Variants in NCAPG2 observed in about 807,000 individuals in gnomAD.
NCAPG2 encodes condensin-2 complex subunit G2.
In NCAPG2, 53 loss-of-function variants were observed where a neutral mutation model predicts 141.1. The observed-to-expected ratio is 0.38, with a 90% confidence interval of 0.30 to 0.47. NCAPG2 has a LOEUF of 0.47. NCAPG2 is among the 20% of genes least tolerant of loss of function. The pLI, the probability that NCAPG2 is intolerant of heterozygous loss-of-function variation, is 0.99. For synonymous variants in NCAPG2, 499 were observed against 490.7 expected (o/e 1.02, Z -0.22); for missense variants, 1,087 against 1,389.0 (o/e 0.78, Z 3.46).
At chr7:158,650,146 C>T (rs1227405584) in intron 24 of NCAPG2, among the ~76,000 whole-genome samples, 22 of 152,178 alleles carry the variant, frequency 1.4e-4, no homozygotes, top group Admixed American at 1.4e-3. Flanking sequence ...CTCCGCCTCC[C>T]GGGTTCAAGA....
intron 12 of NCAPG2, among the ~76,000 whole-genome samples, chr7:158,674,115 A>C (rs879264029): frequency 1.3e-5 from 2 of 152,200 alleles, no homozygotes; most frequent in Non-Finnish European, 2.9e-5. Context: ...AACAGGCATG[A>C]GCCCAAATGT....
chr7:158,692,767 A>G, intron 4 of NCAPG2, 75 bp downstream of exon 4: 5 of 964,068 alleles, frequency 5.2e-6, no homozygotes, highest in South Asian at 2.9e-5. Context: ...ATGAATGAAT[A>G]AATAAAAACA....
In NCAPG2 at chr7:158,633,781, C is replaced by T. The variant is rs1027236820; in HGVS notation, c.3381-2064G>A. 5.3e-5 allele frequency among the ~76,000 whole-genome samples: 8 copies of T among 151,996 alleles called. No individual in the cohort carries two copies. The highest frequency in any genetic ancestry group is 1.2e-4 in the Non-Finnish European group (8 of 67,976). On this transcript the variant is annotated intron_variant, in intron 27 of 27. Transcript: ENST00000356309. This position sits in a 1 kb window ranked among gnomAD's most constrained non-coding sequence, Gnocchi z 4.1. ...AATTTTTTTTTTTGAGACAGGGTCACGCTCTGTCACCCAGGCTGAAGTGCA... is the reference window on the plus strand; with the variant it reads ...AATTTTTTTTTTTGAGACAGGGTCATGCTCTGTCACCCAGGCTGAAGTGCA...
At chr7:158,699,663 T>G (rs1032613471) in intron 2 of NCAPG2, among the ~76,000 whole-genome samples, 1 of 152,192 alleles carries the variant, frequency 6.6e-6, no homozygotes, top group Non-Finnish European at 1.5e-5. Context: ...GCTTGCCTTT[T>G]TCTCCTCTGT....
chr7:158,660,206 C>T (rs768752862), intron 16 of NCAPG2, among the ~76,000 whole-genome samples: 4 of 151,860 alleles, frequency 2.6e-5, no homozygotes, highest in Admixed American at 1.3e-4. Flanking sequence ...GAGAAGGAAG[C>T]AATTTTCCTT....
intron 6 of NCAPG2, among the ~76,000 whole-genome samples, chr7:158,689,322 T>C (rs954216417): frequency 3.3e-5 from 5 of 152,224 alleles, no homozygotes. Flanking sequence ...TACTTATGGC[T>C]AATCTCAGTT....
intron 9 of NCAPG2, 144 bp downstream of exon 9, chr7:158,683,156 C>T (rs1834542670): frequency 3.2e-6 from 2 of 617,934 alleles, no homozygotes; most frequent in Non-Finnish European, 5.2e-6. Flanking sequence ...AGGAATAAAA[C>T]TGCCAGACAT....
At chr7:158,641,404 A>G in intron 27 of NCAPG2, 1 of 501,320 alleles carries the variant, frequency 2.0e-6, no homozygotes, top group Non-Finnish European at 3.5e-6. Flanking sequence ...CACTTTAAAT[A>G]TAAAGACACA....
chr7:158,704,137 A>G (rs1394015501), intron 1 of NCAPG2, among the ~76,000 whole-genome samples: 1 of 145,844 alleles, frequency 6.9e-6, no homozygotes, highest in East Asian at 2.1e-4. Flanking sequence ...CTCTGAGGGC[A>G]GTGCCCATGC....
chr7:158,662,179 T>C lies in NCAPG2; in HGVS notation c.1989+15A>G. The C allele has an allele frequency of 1.3e-6, 2 of 1,579,736 alleles. No homozygotes were observed. Among genetic ancestry groups the C allele is most frequent in the Non-Finnish European group, 1.7e-6 (2 of 1,169,186 alleles). On this transcript the variant is annotated intron_variant, in intron 16 of 27. Coordinates refer to ENST00000356309, the MANE Select transcript of NCAPG2 (RefSeq NM_017760.7). ...CCTTAATATACCTTGCTTACAAGTA[T>C]AGTTCAAGACTTACCTTAAATACTT... is the stretch of plus-strand genomic sequence containing the variant.
chr7:158,679,096 T>C (rs1834285744), intron 11 of NCAPG2, among the ~76,000 whole-genome samples: 1 of 152,208 alleles, frequency 6.6e-6, no homozygotes, highest in African/African-American at 2.4e-5. Flanking sequence ...CCTCAAATAG[T>C]CCTCCTACCT....
chr7:158,700,525 T>A (rs933793624), intron 2 of NCAPG2, among the ~76,000 whole-genome samples: 9 of 152,272 alleles, frequency 5.9e-5, no homozygotes, highest in Non-Finnish European at 1.2e-4. Flanking sequence ...GCATTTCCAA[T>A]ACAATCCATA....
chr7:158,692,960 T>A lies in NCAPG2; in HGVS notation c.268-4A>T, dbSNP rs768275429. The A allele has an allele frequency of 2.7e-6, 4 of 1,500,092 alleles. No homozygotes were observed. Among genetic ancestry groups the A allele is most frequent in the South Asian group, 1.2e-5 (1 of 83,144 alleles). The allele number at this position is 1,500,092 out of a possible 1,614,324, so 92.9% of individuals were successfully genotyped here. A position where few individuals can be genotyped will look rare whatever the true frequency, so the allele number is the denominator to read the frequency against. ...AAATTATTTCTATGCTTTTTCTCTA[T>A]AAATGAAAAATCAAAGCATGAGTGA... On this transcript the variant is annotated splice_polypyrimidine_tract_variant and splice_region_variant and intron_variant, in intron 3 of 27. Coordinates refer to ENST00000356309, the MANE Select transcript of NCAPG2 (RefSeq NM_017760.7).
At chr7:158,636,949 C>T (rs902103100) in intron 27 of NCAPG2, among the ~76,000 whole-genome samples, 28 of 151,806 alleles carry the variant, frequency 1.8e-4, no homozygotes, top group Middle Eastern at 6.8e-3. Flanking sequence ...TCCTCTTCTT[C>T]TTCTTCTTTT....
chr7:158,664,926 T>C (rs1832803057), intron 13 of NCAPG2, among the ~76,000 whole-genome samples, 176 bp from the exon 14 acceptor site: 1 of 152,204 alleles, frequency 6.6e-6, no homozygotes, highest in East Asian at 1.9e-4. Context: ...TTAGAATTAA[T>C]AAATCTATAT....
chr7:158,655,322 G>A lies in NCAPG2; in HGVS notation c.2505+17C>T. ...GCACTGTGTATCATCCTAATAGAGG[G>A]CCAGGAGCAGGCACACCTTGTGCTG... On this transcript the variant is annotated intron_variant, in intron 20 of 27. Coordinates refer to ENST00000356309, the MANE Select transcript of NCAPG2 (RefSeq NM_017760.7). The A allele has an allele frequency of 6.2e-7, 1 of 1,614,128 alleles. No individual in the cohort carries two copies. Among genetic ancestry groups the A allele is most frequent in the Non-Finnish European group, 8.5e-7 (1 of 1,179,986 alleles).
At chr7:158,666,377 G>C (rs1832939169) in intron 13 of NCAPG2, among the ~76,000 whole-genome samples, 1 of 152,070 alleles carries the variant, frequency 6.6e-6, no homozygotes, top group Non-Finnish European at 1.5e-5. Context: ...AGGTGACAGT[G>C]CTGTTGGCAA....
intron 27 of NCAPG2, among the ~76,000 whole-genome samples, chr7:158,642,955 AT>A (rs1830747185): frequency 1.3e-5 from 2 of 151,980 alleles, no homozygotes; most frequent in East Asian, 3.9e-4. Flanking sequence ...TTTTATTTTT[AT>A]TTTTTACTTT....
At chr7:158,690,809 T>C (rs1326624027) in intron 4 of NCAPG2, 87 bp from the exon 5 acceptor site, 1 of 1,249,306 alleles carries the variant, frequency 8.0e-7, no homozygotes, top group African/African-American at 1.5e-5. Context: ...TGACTTTATA[T>C]ATTATTTAAA....
Sources: allele counts gnomAD v4.1 joint callset (sites outside exome capture counted in the v4.1 genomes callset), GRCh38; gene constraint gnomAD v4.1.1; non-coding constraint Gnocchi (gnomAD v3.1); transcripts MANE v1.5; gene names NCBI Gene and HGNC (gene_info 2026-07-23, HGNC 2026-07-21).